POLD3: variants seen among roughly 807,000 people sequenced by gnomAD.
POLD3 encodes DNA polymerase delta subunit 3.
Under a neutral mutation model 58.2 loss-of-function variants are expected in POLD3, and 19 were observed. The ratio of observed to expected loss-of-function variants is 0.33; its 90% CI spans 0.23 to 0.48. The LOEUF is 0.48. Ranked by LOEUF, POLD3 falls within the 20% of genes least tolerant of loss-of-function variation. The pLI is 0.99. For missense variants in POLD3, 504 were observed against 545.5 expected (o/e 0.92, Z 0.76); for synonymous variants, 172 against 193.5 (o/e 0.89, Z 0.92).
In POLD3 at chr11:74,638,215, C is replaced by T. The variant is rs2032810175; in HGVS notation, c.1198+1940C>T. Among the ~76,000 whole-genome samples, 3 of 151,946 alleles carry T rather than the reference C, an allele frequency of 2.0e-5. No homozygotes were observed. In the South Asian group the frequency reaches 6.2e-4, roughly 32 times the overall value. On this transcript the variant is annotated intron_variant, in intron 11 of 11. Transcript: ENST00000263681. Reference sequence around the variant, plus strand: ...AAAGGCCCTATATTTTTAATGGAGACCTCCTTTTTTCTGGGGTTTGCGGTA... The same window carrying T: ...AAAGGCCCTATATTTTTAATGGAGATCTCCTTTTTTCTGGGGTTTGCGGTA...
intron 4 of POLD3, among the ~76,000 whole-genome samples, chr11:74,667,762 C>T (rs986069154): frequency 6.6e-6 from 1 of 152,112 alleles, no homozygotes; most frequent in African/African-American, 2.4e-5. Context: ...AAAGGACACT[C>T]TCAAAAAACG....
chr11:74,637,452 G>A (rs1453744623), intron 11 of POLD3, among the ~76,000 whole-genome samples: 1 of 16,656 alleles, frequency 6.0e-5, no homozygotes, highest in Non-Finnish European at 1.3e-4. Context: ...TTTTTTTTTT[G>A]GCTTTCAGTC....
At chr11:74,668,357 TATG>T (rs1218333789) in intron 4 of POLD3, among the ~76,000 whole-genome samples, 1 of 152,084 alleles carries the variant, frequency 6.6e-6, no homozygotes, top group Non-Finnish European at 1.5e-5. Flanking sequence ...ATAAATGCAA[TATG>T]ATATATCATT....
intron 4 of POLD3, among the ~76,000 whole-genome samples, chr11:74,650,447 T>G (rs1405921504): frequency 6.6e-6 from 1 of 152,232 alleles, no homozygotes; most frequent in African/African-American, 2.4e-5. Flanking sequence ...ATATTTCTAC[T>G]TGAAGTCGTT....
At chr11:74,645,413 A>G (rs745818788), downstream of POLD3, among the ~76,000 whole-genome samples, 1 of 152,238 alleles carries the variant, frequency 6.6e-6, no homozygotes, top group Non-Finnish European at 1.5e-5. Context: ...TTTATACAAT[A>G]TAAAGTCTGT....
intron 1 of POLD3, chr11:74,592,927 C>A: frequency 7.1e-7 from 1 of 1,411,946 alleles, no homozygotes; most frequent in Non-Finnish European, 9.2e-7. Context: ...GTCCGCGTCC[C>A]TTGGGTGGGC....
In POLD3 at chr11:74,625,477, T is replaced by G. The variant is rs1359327201; in HGVS notation, c.803T>G (p.Val268Gly). 1 of 1,613,710 alleles carries G rather than the reference T, an allele frequency of 6.2e-7. No homozygotes were observed. Among genetic ancestry groups the G allele is most frequent in the Admixed American group, 1.7e-5 (1 of 60,000 alleles). ...GAAAAAATAGTGGAGCAGCCTACAGTGTCTGTCACGGAACCAAAGCTGGCA... is the reference window on the plus strand; with the variant it reads ...GAAAAAATAGTGGAGCAGCCTACAGGGTCTGTCACGGAACCAAAGCTGGCA... Reference protein sequence around the residue: ...KEEKIVEQPTVSVTEPKLATP... With the variant: ...KEEKIVEQPTGSVTEPKLATP... Residue 268 changes from valine (V) to glycine (G), a missense_variant, in exon 8 of 12, where the codon GTG (valine) becomes GGG (glycine). Val to Gly is a moderately radical substitution (Grantham distance 109). Coordinates refer to ENST00000263681, the MANE Select transcript of POLD3 (RefSeq NM_006591.3).
chr11:74,653,328 C>CAG (rs200272997), intron 4 of POLD3, among the ~76,000 whole-genome samples: 114,514 of 151,860 alleles, frequency 0.75, 43,380 homozygotes, highest in African/African-American at 0.81. Flanking sequence ...GAGATACACA[C>CAG]ACACATAGTG....
At chr11:74,618,276 A>C (rs1415659061) in intron 5 of POLD3, among the ~76,000 whole-genome samples, 1 of 152,140 alleles carries the variant, frequency 6.6e-6, no homozygotes, top group East Asian at 1.9e-4. Flanking sequence ...CCTAATTCCA[A>C]TCCTATCTAT....
intron 4 of POLD3, among the ~76,000 whole-genome samples, chr11:74,655,965 A>G (rs972144204): frequency 1.3e-5 from 2 of 152,252 alleles, no homozygotes; most frequent in African/African-American, 4.8e-5. Flanking sequence ...TCTAGGGCTA[A>G]TATGTGAATT....
chr11:74,651,525 G>T (rs765141499), intron 4 of POLD3, among the ~76,000 whole-genome samples: 38 of 152,194 alleles, frequency 2.5e-4, no homozygotes, highest in Admixed American at 2.0e-3. Context: ...GAACAATTAT[G>T]TAATGACCAT....
In POLD3 at chr11:74,613,092, G is replaced by A. The variant is rs1052147571; in HGVS notation, c.392+82G>A. On this transcript the variant is annotated intron_variant, in intron 5 of 11. Coordinates refer to ENST00000263681, the MANE Select transcript of POLD3 (RefSeq NM_006591.3). Reference sequence around the variant, plus strand: ...TACACAGTGGCTGCCTCTTAAGAGTGAATGCCAAGTCTAGTAAAACCCCAT... The same window carrying A: ...TACACAGTGGCTGCCTCTTAAGAGTAAATGCCAAGTCTAGTAAAACCCCAT... 18 of 1,247,952 alleles carry A rather than the reference G, an allele frequency of 1.4e-5. No homozygotes were observed. In the African/African-American group the frequency reaches 2.2e-4, roughly 16 times the overall value. The allele number at this position is 1,247,952 out of a possible 1,614,324, so 77.3% of individuals were successfully genotyped here.
rs10857 is a variant in POLD3, at chr11:74,642,326, G to T, written c.*1560G>T. The T allele has an allele frequency of 0.83, 813,808 of 984,950 alleles. 337,129 individuals are homozygous for T. The highest frequency in any genetic ancestry group is 0.97 in the African/African-American group (55,661 of 57,338). The allele number at this position is 984,950 out of a possible 1,614,324, so 61.0% of individuals were successfully genotyped here. ...TATTCCAAAACCCTTCTTTTTAAAA[G>T]GAAAAAGGATGGAGAGAAGGATGGA... On this transcript the variant is annotated 3_prime_UTR_variant, in exon 12 of 12. Coordinates refer to ENST00000263681, the MANE Select transcript of POLD3 (RefSeq NM_006591.3).
intron 9 of POLD3, among the ~76,000 whole-genome samples, chr11:74,634,091 G>A (rs1019622658): frequency 6.6e-6 from 1 of 152,158 alleles, no homozygotes; most frequent in African/African-American, 2.4e-5. Flanking sequence ...CAATGGTAAG[G>A]CGGCATGGGA....
chr11:74,610,042 G>C (rs1419381016), intron 3 of POLD3, among the ~76,000 whole-genome samples: 1 of 152,154 alleles, frequency 6.6e-6, no homozygotes, highest in East Asian at 1.9e-4. Context: ...CGGTCAAAGG[G>C]TGAGTGCATG....
At chr11:74,610,892 AC>A (rs981327843) in intron 3 of POLD3, among the ~76,000 whole-genome samples, 1 of 151,208 alleles carries the variant, frequency 6.6e-6, no homozygotes, top group East Asian at 2.0e-4. Flanking sequence ...GTCCTACCTC[AC>A]CCCCCTGAGT....
intron 2 of POLD3, among the ~76,000 whole-genome samples, chr11:74,596,123 T>A (rs1403885083): frequency 2.0e-5 from 3 of 150,558 alleles, no homozygotes; most frequent in African/African-American, 7.3e-5. Context: ...CACCTTGGCC[T>A]CCCAAAATGC....
intron 5 of POLD3, among the ~76,000 whole-genome samples, chr11:74,617,110 CT>C (rs2032103143): frequency 6.6e-6 from 1 of 151,806 alleles, no homozygotes; most frequent in South Asian, 2.1e-4. Context: ...TTAGAAAAAG[CT>C]GGGGAACTTT....
At chr11:74,655,228 G>GA (rs1372455193) in intron 4 of POLD3, among the ~76,000 whole-genome samples, 32 of 152,378 alleles carry the variant, frequency 2.1e-4, no homozygotes, top group African/African-American at 7.2e-4. Flanking sequence ...AAGCAACACT[G>GA]ACATGGGCGT....
Sources: allele counts gnomAD v4.1 joint callset (sites outside exome capture counted in the v4.1 genomes callset), GRCh38; gene constraint gnomAD v4.1.1; transcripts MANE v1.5; gene names NCBI Gene and HGNC (gene_info 2026-07-23, HGNC 2026-07-21).